The following RELN variants were observed in gnomAD, a reference collection of about 807,000 sequenced individuals.
RELN encodes the protein reelin.
Under a neutral mutation model 427.6 loss-of-function variants are expected in RELN, and 108 were observed. The ratio of observed to expected loss-of-function variants is 0.25; its 90% CI spans 0.22 to 0.30. RELN has a LOEUF of 0.30. Ranked by LOEUF, RELN falls within the 10% of genes least tolerant of loss-of-function variation. The pLI, the probability that RELN is intolerant of heterozygous loss-of-function variation, is 1.00. For synonymous variants in RELN, 1,524 were observed against 1,513.4 expected (o/e 1.01, Z -0.16); for missense variants, 3,715 against 4,302.8 (o/e 0.86, Z 3.82).
chr7:103,879,553 T>C (rs1232497542), intron 2 of RELN, among the ~76,000 whole-genome samples: 2 of 152,192 alleles, frequency 1.3e-5, no homozygotes, highest in Non-Finnish European at 2.9e-5. Flanking sequence ...GAGGAGAGAA[T>C]GACCTGCCAA....
chr7:103,773,328 TCTCTCCCTCGCTTC>T (rs1791643562), intron 4 of RELN, among the ~76,000 whole-genome samples: 1 of 81,616 alleles, frequency 1.2e-5, no homozygotes, highest in Non-Finnish European at 2.4e-5. Context: ...TCCGTCTCTC[TCTCTCCCTCGCTTC>T]CTCTCTCTCT....
At chr7:103,533,222 A>G (rs1289112708) in intron 46 of RELN, among the ~76,000 whole-genome samples, 2 of 152,212 alleles carry the variant, frequency 1.3e-5, no homozygotes, top group African/African-American at 2.4e-5. Context: ...CCTAACCCTT[A>G]CTGAGCACAT....
chr7:103,833,850 T>C (rs1793334027), intron 2 of RELN, among the ~76,000 whole-genome samples, 178 bp from the exon 3 acceptor site: 2 of 152,254 alleles, frequency 1.3e-5, no homozygotes, highest in Non-Finnish European at 2.9e-5. Flanking sequence ...TCACTTAAAA[T>C]ATTATGGTTA....
intron 9 of RELN, among the ~76,000 whole-genome samples, chr7:103,700,035 TA>T (rs1834057951): frequency 6.6e-6 from 1 of 152,024 alleles, no homozygotes; most frequent in Admixed American, 6.6e-5. Flanking sequence ...TCTGCTACCC[TA>T]AATAATAGTT....
At chr7:103,800,243 G>A (rs1423572475) in intron 3 of RELN, among the ~76,000 whole-genome samples, 4 of 152,132 alleles carry the variant, frequency 2.6e-5, no homozygotes, top group East Asian at 1.9e-4. Context: ...AAACCCCATC[G>A]TCTCAGCCCA....
At chr7:103,751,584 A>T (rs1325924545) in intron 5 of RELN, among the ~76,000 whole-genome samples, 1 of 152,224 alleles carries the variant, frequency 6.6e-6, no homozygotes, top group African/African-American at 2.4e-5. Context: ...GATTCCTCTG[A>T]GCGATGAGAT....
intron 1 of RELN, among the ~76,000 whole-genome samples, chr7:103,958,252 A>G (rs942656966): frequency 2.6e-5 from 4 of 152,210 alleles, no homozygotes; most frequent in African/African-American, 9.6e-5. Context: ...CTGTCACAAA[A>G]AAGACCCAGT....
rs368098458 is a variant in RELN, at chr7:103,824,627, AGTGTGTGTGTGTGT to A, written c.473+8896_473+8909del. Among the ~76,000 whole-genome samples the A allele has an allele frequency of 0.11, 14,511 of 130,950 alleles. 857 individuals are homozygous for A. Among genetic ancestry groups the A allele is most frequent in the Middle Eastern group, 0.15 (34 of 230 alleles). 85.9% of individuals were successfully genotyped at this position (130,950 alleles called of 152,430 possible). A position where few individuals can be genotyped will look rare whatever the true frequency, so the allele number is the denominator to read the frequency against. ...GTGTTTTCACTTTCTTTCAAAACAG[AGTGTGTGTGTGTGT>A]GTGTGTGTGTGTGTGTGTGTGTGTG... is the stretch of plus-strand genomic sequence containing the variant. On this transcript the variant is annotated intron_variant, in intron 3 of 64. Transcript: ENST00000428762. This position sits in a 1 kb window ranked among gnomAD's most constrained non-coding sequence, Gnocchi z 4.4.
intron 3 of RELN, among the ~76,000 whole-genome samples, chr7:103,789,446 CAAAG>C: frequency 6.6e-6 from 1 of 152,080 alleles, no homozygotes; most frequent in East Asian, 1.9e-4. Flanking sequence ...ATCCAACTGA[CAAAG>C]GGTTAATATC....
intron 17 of RELN, among the ~76,000 whole-genome samples, chr7:103,637,988 C>A (rs145121723): frequency 3.3e-5 from 5 of 151,946 alleles, no homozygotes; most frequent in Non-Finnish European, 7.4e-5. Context: ...TCCATTTAGT[C>A]GTTTTAAAAG....
chr7:103,855,226 C>T (rs563700231), intron 2 of RELN, among the ~76,000 whole-genome samples: 72 of 152,286 alleles, frequency 4.7e-4, no homozygotes, highest in African/African-American at 1.7e-3. Context: ...GTGCTGTTCC[C>T]ATCCAGAGAA....
chr7:103,781,453 A>C (rs1791887839), intron 3 of RELN, among the ~76,000 whole-genome samples: 2 of 152,176 alleles, frequency 1.3e-5, no homozygotes. Context: ...TGACAGATAA[A>C]ATTGTATGTA....
intron 43 of RELN, among the ~76,000 whole-genome samples, chr7:103,542,107 G>A (rs1830189143): frequency 6.6e-6 from 1 of 152,110 alleles, no homozygotes; most frequent in South Asian, 2.1e-4. Context: ...ATGATCAAGG[G>A]ATACACATCT....
chr7:103,493,889 T>C (rs145405835), intron 57 of RELN, among the ~76,000 whole-genome samples: 1 of 152,304 alleles, frequency 6.6e-6, no homozygotes, highest in Non-Finnish European at 1.5e-5. Context: ...AGTGATACTT[T>C]ACTAAATTTT....
chr7:103,873,079 A>G (rs1044435785), intron 2 of RELN, among the ~76,000 whole-genome samples: 2 of 151,918 alleles, frequency 1.3e-5, no homozygotes, highest in African/African-American at 4.8e-5. Flanking sequence ...CTACATGGAA[A>G]CTGAACAACC....
At chr7:103,813,984 G>A (rs1392394353) in intron 3 of RELN, among the ~76,000 whole-genome samples, 1 of 152,014 alleles carries the variant, frequency 6.6e-6, no homozygotes, top group Non-Finnish European at 1.5e-5. Context: ...GTATTTTTAA[G>A]AGTTTATTTT....
chr7:103,487,666 C>G (rs1236542225), intron 60 of RELN, among the ~76,000 whole-genome samples: 2 of 152,118 alleles, frequency 1.3e-5, no homozygotes, highest in Admixed American at 1.3e-4. Context: ...TGAATGTTTA[C>G]CAATGGTGGG....
In RELN at chr7:103,491,856, T is replaced by TCTCTCACACA. The variant is rs57217576; in HGVS notation, c.9443+96_9443+97insTGTGTGAGAG. 696 of 288,430 alleles carry TCTCTCACACA rather than the reference T, an allele frequency of 2.4e-3. 2 individuals carry two copies. Among genetic ancestry groups the TCTCTCACACA allele is most frequent in the Admixed American group, 8.2e-3 (186 of 22,568 alleles). The allele number at this position is 288,430 out of a possible 1,614,324, so 17.9% of individuals were successfully genotyped here. A position where few individuals can be genotyped will look rare whatever the true frequency, so the allele number is the denominator to read the frequency against. On this transcript the variant is annotated intron_variant, in intron 58 of 64. Transcript: ENST00000428762. The stretch of plus-strand genomic sequence containing the variant: ...CTCTCTCTCTCTCTCTCTCTCTCTC[T>TCTCTCACACA]CACACACACACACACACACACACAC...
At chr7:103,868,391 T>G (rs1022431030) in intron 2 of RELN, among the ~76,000 whole-genome samples, 1 of 152,114 alleles carries the variant, frequency 6.6e-6, no homozygotes, top group Non-Finnish European at 1.5e-5. Context: ...TACCTCCATA[T>G]AGAAATGAGT....
Sources: allele counts gnomAD v4.1 joint callset (sites outside exome capture counted in the v4.1 genomes callset), GRCh38; gene constraint gnomAD v4.1.1; non-coding constraint Gnocchi (gnomAD v3.1); transcripts MANE v1.5; gene names NCBI Gene and HGNC (gene_info 2026-07-23, HGNC 2026-07-21).